Variants in PDE1A observed in about 807,000 individuals in gnomAD.
PDE1A encodes the protein phosphodiesterase 1A.
A neutral mutation model predicts 61.7 loss-of-function variants in PDE1A; 35 were observed. The ratio of observed to expected loss-of-function variants is 0.57; its 90% confidence interval spans 0.43 to 0.75. The LOEUF is 0.75. PDE1A is among the 30% of genes least tolerant of loss of function. PDE1A has a pLI of 0.00. For missense variants in PDE1A, 597 were observed against 630.6 expected (o/e 0.95, Z 0.57); for synonymous variants, 232 against 213.2 (o/e 1.09, Z -0.77).
intron 1 of PDE1A, among the ~76,000 whole-genome samples, chr2:182,285,996 A>G (rs1008594382): frequency 3.3e-5 from 5 of 152,208 alleles, no homozygotes; most frequent in African/African-American, 1.2e-4. Flanking sequence ...GTAAAGCTGG[A>G]AAATGAATAG....
the PDE1A span, among the ~76,000 whole-genome samples, chr2:182,547,259 A>G: frequency 6.6e-6 from 1 of 152,178 alleles, no homozygotes; most frequent in Middle Eastern, 3.2e-3. Flanking sequence ...CTAAACGATC[A>G]GCCTACCCTT....
chr2:182,343,351 T>C (rs1698317989), intron 1 of PDE1A, among the ~76,000 whole-genome samples: 1 of 152,206 alleles, frequency 6.6e-6, no homozygotes, highest in Non-Finnish European at 1.5e-5. Flanking sequence ...TTAATAGATA[T>C]ACAGCACTAT....
the PDE1A span, among the ~76,000 whole-genome samples, chr2:182,536,781 G>C: frequency 6.6e-6 from 1 of 152,126 alleles, no homozygotes; most frequent in African/African-American, 2.4e-5. Context: ...TCCAAGACTA[G>C]ATCATAAATG....
chr2:182,279,367 C>T (rs1164785127), intron 1 of PDE1A, among the ~76,000 whole-genome samples: 1 of 151,886 alleles, frequency 6.6e-6, no homozygotes, highest in East Asian at 1.9e-4. Flanking sequence ...GGACTTGTTC[C>T]CTGGGAAGCC....
intron 7 of PDE1A, among the ~76,000 whole-genome samples, chr2:182,219,203 C>T (rs1688511629): frequency 6.6e-6 from 1 of 151,958 alleles, no homozygotes; most frequent in South Asian, 2.1e-4. Flanking sequence ...TGCTTCATCA[C>T]CCATTTAAAA....
chr2:182,295,055 A>ATTTTT (rs1559306033), intron 1 of PDE1A, among the ~76,000 whole-genome samples: 1 of 76,774 alleles, frequency 1.3e-5, no homozygotes, highest in Non-Finnish European at 2.8e-5. Context: ...ATAAAAGGTA[A>ATTTTT]TCTTTTTTTT....
intron 2 of PDE1A, among the ~76,000 whole-genome samples, chr2:182,252,100 G>A (rs1056790770): frequency 6.6e-6 from 1 of 152,150 alleles, no homozygotes; most frequent in African/African-American, 2.4e-5. Context: ...ACAAATATTT[G>A]TTGAATAAAT....
intron 2 of PDE1A, among the ~76,000 whole-genome samples, chr2:182,477,998 G>A (rs10206152): frequency 0.72 from 109,605 of 151,678 alleles, 39,906 homozygotes; most frequent in East Asian, 0.95. Flanking sequence ...CATTCTTGCC[G>A]TGACAAAGGA....
the PDE1A span, among the ~76,000 whole-genome samples, chr2:182,671,175 C>CT: frequency 4.0e-5 from 6 of 149,868 alleles, no homozygotes; most frequent in South Asian, 2.1e-4. Flanking sequence ...ATGGATCACA[C>CT]TTTTTTTTCT....
intron 1 of PDE1A, among the ~76,000 whole-genome samples, chr2:182,357,449 G>A (rs1245072017): frequency 6.6e-6 from 1 of 152,080 alleles, no homozygotes; most frequent in Admixed American, 6.6e-5. Flanking sequence ...TTAAAAAACA[G>A]TATTGCATGG....
At chr2:182,693,382 A>G in the PDE1A span, among the ~76,000 whole-genome samples, 139 of 152,278 alleles carry the variant, frequency 9.1e-4, no homozygotes, top group South Asian at 2.3e-3. Context: ...CTCTTTCAAC[A>G]TAACCACAAT....
intron 1 of PDE1A, among the ~76,000 whole-genome samples, chr2:182,372,901 C>A (rs11903131): frequency 0.024 from 3,662 of 152,238 alleles, 133 homozygotes; most frequent in African/African-American, 0.082. Context: ...CAAGGCAGCA[C>A]AGAAAACAGA....
chr2:182,629,829 T>C, the PDE1A span, among the ~76,000 whole-genome samples: 2 of 152,206 alleles, frequency 1.3e-5, no homozygotes, highest in African/African-American at 2.4e-5. Context: ...CCAAAAAGGA[T>C]GCTAAAATGT....
At chr2:182,219,672 C>T (rs1442350624) in intron 7 of PDE1A, among the ~76,000 whole-genome samples, 1 of 152,130 alleles carries the variant, frequency 6.6e-6, no homozygotes, top group African/African-American at 2.4e-5. Context: ...TCCAGACTTA[C>T]TGTTTCAGGC....
At chr2:182,508,221 C>T (rs1315176500) in intron 2 of PDE1A, among the ~76,000 whole-genome samples, 1 of 150,898 alleles carries the variant, frequency 6.6e-6, no homozygotes, top group Non-Finnish European at 1.5e-5. Context: ...AAATTACTAA[C>T]ATAAGGCATA....
chr2:182,467,741 A>G (rs568592289), intron 2 of PDE1A, among the ~76,000 whole-genome samples: 5 of 151,984 alleles, frequency 3.3e-5, no homozygotes, highest in East Asian at 3.9e-4. Flanking sequence ...GATTTATTTA[A>G]CATCTGAAAA....
At chr2:182,326,197 A>G (rs1697035794) in intron 1 of PDE1A, among the ~76,000 whole-genome samples, 1 of 152,200 alleles carries the variant, frequency 6.6e-6, no homozygotes, top group Non-Finnish European at 1.5e-5. Context: ...ACTGGTGAGA[A>G]TATAAAATGG....
the PDE1A span, among the ~76,000 whole-genome samples, chr2:182,565,913 C>G: frequency 6.6e-6 from 1 of 152,056 alleles, no homozygotes; most frequent in Non-Finnish European, 1.5e-5. Flanking sequence ...CCATCACTAC[C>G]CTGATAAGCT....
chr2:182,448,387 AC>A, intron 2 of PDE1A, among the ~76,000 whole-genome samples: 1 of 151,882 alleles, frequency 6.6e-6, no homozygotes, highest in Non-Finnish European at 1.5e-5. Context: ...GTTTAGAATT[AC>A]CTTTGAATTA....
Sources: allele counts gnomAD v4.1 joint callset (sites outside exome capture counted in the v4.1 genomes callset), GRCh38; gene constraint gnomAD v4.1.1; transcripts MANE v1.5; gene names NCBI Gene and HGNC (gene_info 2026-07-23, HGNC 2026-07-21).